Variants in RALYL observed in about 807,000 individuals in gnomAD.
RALYL encodes the protein RALY RNA binding protein like.
In RALYL, 29 loss-of-function variants were observed where a neutral mutation model predicts 35.1. The observed-to-expected ratio is 0.83, with a 90% confidence interval of 0.61 to 1.13. The LOEUF is 1.13. RALYL is among the 50% of genes most tolerant of loss of function. The probability of loss-of-function intolerance (pLI) is 0.00; values close to 1 mark genes in which losing one functional copy is unlikely to be tolerated. For missense variants in RALYL, 359 were observed against 360.4 expected (o/e 1.00, Z 0.03); for synonymous variants, 120 against 127.6 (o/e 0.94, Z 0.40).
intron 4 of RALYL, among the ~76,000 whole-genome samples, chr8:84,828,052 A>G (rs1830082512): frequency 6.6e-6 from 1 of 152,158 alleles, no homozygotes; most frequent in Non-Finnish European, 1.5e-5. Context: ...TTGTTTGTCC[A>G]TAATAGGATC....
chr8:84,824,274 T>C (rs899053521), intron 4 of RALYL, among the ~76,000 whole-genome samples: 4 of 125,516 alleles, frequency 3.2e-5, no homozygotes, highest in African/African-American at 5.6e-5. Flanking sequence ...AAAAAAAAAA[T>C]AAGTCAGTAA....
intron 2 of RALYL, among the ~76,000 whole-genome samples, chr8:84,661,366 C>T (rs1394192556): frequency 6.6e-6 from 1 of 152,098 alleles, no homozygotes; most frequent in Non-Finnish European, 1.5e-5. Flanking sequence ...ATTTCATTCT[C>T]TTCCAATTTT....
intron 6 of RALYL, among the ~76,000 whole-genome samples, chr8:84,868,104 G>C (rs967459282): frequency 1.3e-5 from 2 of 152,122 alleles, no homozygotes; most frequent in Non-Finnish European, 2.9e-5. Context: ...ATGGGCAGTG[G>C]GGGGTAGGAG....
At chr8:84,343,717 C>G (rs376686113) in intron 1 of RALYL, among the ~76,000 whole-genome samples, 1 of 151,866 alleles carries the variant, frequency 6.6e-6, no homozygotes, top group Admixed American at 6.6e-5. Flanking sequence ...GCAACCTCAA[C>G]CTCCAGGGCT....
intron 2 of RALYL, among the ~76,000 whole-genome samples, chr8:84,735,005 TTGTGTGTGTGTGTGTG>T (rs3068131): frequency 4.8e-5 from 7 of 146,570 alleles, no homozygotes; most frequent in Admixed American, 3.5e-4. Flanking sequence ...ATAGATATGT[TTGTGTGTGTGTGTGTG>T]TGTGTGTGTG....
intron 1 of RALYL, among the ~76,000 whole-genome samples, chr8:84,295,526 C>A (rs1455907710): frequency 1.3e-5 from 2 of 152,070 alleles, no homozygotes; most frequent in Non-Finnish European, 2.9e-5. Context: ...TCCCAAACTC[C>A]TGTGCTCTAG....
intron 2 of RALYL, among the ~76,000 whole-genome samples, chr8:84,547,002 C>G (rs1468956196): frequency 6.6e-6 from 1 of 151,996 alleles, no homozygotes; most frequent in Non-Finnish European, 1.5e-5. Flanking sequence ...ATGTGCAGAA[C>G]GTGCAGGTTT....
chr8:84,353,575 T>A (rs1363203700), intron 1 of RALYL, among the ~76,000 whole-genome samples: 1 of 150,516 alleles, frequency 6.6e-6, no homozygotes, highest in Non-Finnish European at 1.5e-5. Context: ...TACTTTTAGA[T>A]ATGCAAATTT....
chr8:84,776,151 C>CA (rs1331748809), intron 3 of RALYL, among the ~76,000 whole-genome samples: 2 of 152,066 alleles, frequency 1.3e-5, no homozygotes, highest in African/African-American at 4.8e-5. Context: ...GAAGAGTGCT[C>CA]AAAAATAGCC....
chr8:84,537,611 T>G (rs2059704367), intron 2 of RALYL, among the ~76,000 whole-genome samples: 1 of 152,178 alleles, frequency 6.6e-6, no homozygotes, highest in African/African-American at 2.4e-5. Flanking sequence ...CTGAGATTCA[T>G]AGAAATATAT....
chr8:84,763,060 A>G (rs1336777323), intron 2 of RALYL, among the ~76,000 whole-genome samples: 2 of 152,190 alleles, frequency 1.3e-5, no homozygotes, highest in African/African-American at 4.8e-5. Context: ...CATGAAACAC[A>G]TTTAGTTTCC....
At chr8:84,835,486 G>A (rs1831770881) in intron 4 of RALYL, among the ~76,000 whole-genome samples, 4 of 119,320 alleles carry the variant, frequency 3.4e-5, no homozygotes, top group Non-Finnish European at 5.0e-5. Context: ...TCAACATGGA[G>A]AAACCCTGTC....
intron 1 of RALYL, among the ~76,000 whole-genome samples, chr8:84,302,553 C>A (rs1347620280): frequency 6.6e-6 from 1 of 152,152 alleles, no homozygotes; most frequent in Non-Finnish European, 1.5e-5. Context: ...TTTTGGTAAT[C>A]CTGATTGCTG....
intron 1 of RALYL, among the ~76,000 whole-genome samples, chr8:84,448,828 G>A (rs1431749903): frequency 6.6e-6 from 1 of 152,000 alleles, no homozygotes; most frequent in Non-Finnish European, 1.5e-5. Context: ...AACCCTGAGT[G>A]CCCTGTTTGG....
intron 4 of RALYL, among the ~76,000 whole-genome samples, chr8:84,830,255 A>C (rs963111543): frequency 6.6e-6 from 1 of 152,178 alleles, no homozygotes; most frequent in Non-Finnish European, 1.5e-5. Flanking sequence ...GTCACAAACA[A>C]ATTTTGCAAA....
At chr8:84,575,818 C>A (rs1244698443) in intron 2 of RALYL, among the ~76,000 whole-genome samples, 3 of 151,974 alleles carry the variant, frequency 2.0e-5, no homozygotes, top group Non-Finnish European at 4.4e-5. Context: ...GCTTTGATTA[C>A]CCTATAGTTT....
At chr8:84,456,552 G>T (rs981290887) in intron 1 of RALYL, among the ~76,000 whole-genome samples, 2 of 151,822 alleles carry the variant, frequency 1.3e-5, no homozygotes, top group South Asian at 2.1e-4. Flanking sequence ...GAAAAAAAAA[G>T]GTGAATGAAT....
At chr8:84,804,833 AATT>A (rs770816833) in intron 4 of RALYL, 31 bp downstream of exon 4, 1 of 1,000,694 alleles carries the variant, frequency 1.0e-6, no homozygotes, top group South Asian at 2.9e-5. Context: ...TTTAAGTATT[AATT>A]ATTTAATTCA....
chr8:84,418,069 A>G (rs1331820611), intron 1 of RALYL, among the ~76,000 whole-genome samples: 2 of 152,154 alleles, frequency 1.3e-5, no homozygotes, highest in Non-Finnish European at 2.9e-5. Flanking sequence ...GGTTTTTTCC[A>G]ACACACAAGT....
Sources: allele counts gnomAD v4.1 joint callset (sites outside exome capture counted in the v4.1 genomes callset), GRCh38; gene constraint gnomAD v4.1.1; transcripts MANE v1.5; gene names NCBI Gene and HGNC (gene_info 2026-07-23, HGNC 2026-07-21).